DPP10: variants seen among roughly 807,000 people sequenced by gnomAD.
DPP10 encodes the protein inactive dipeptidyl peptidase 10.
A neutral mutation model predicts 120.9 loss-of-function variants in DPP10; 33 were observed. That is an observed-to-expected ratio of 0.27 (90% CI 0.21 to 0.37). The LOEUF is 0.37. DPP10 is among the 10% of genes least tolerant of loss of function. The pLI is 1.00. For missense variants in DPP10, 816 were observed against 942.8 expected, an observed-to-expected ratio of 0.87 and a Z score of 1.76; for synonymous variants, 337 against 326.1, an observed-to-expected ratio of 1.03 and a Z score of -0.36.
At chr2:115,330,079 C>A (rs1451827955) in intron 2 of DPP10, among the ~76,000 whole-genome samples, 2 of 152,056 alleles carry the variant, frequency 1.3e-5, no homozygotes, top group Non-Finnish European at 2.9e-5. Flanking sequence ...TCCTATTTCT[C>A]CACATCCTCT....
intron 1 of DPP10, among the ~76,000 whole-genome samples, chr2:114,821,348 T>C (rs1180760753): frequency 6.6e-6 from 1 of 152,208 alleles, no homozygotes; most frequent in African/African-American, 2.4e-5. Context: ...ATTGCCATGT[T>C]TGATGGACTC....
At chr2:115,090,459 G>A (rs921921280) in intron 1 of DPP10, among the ~76,000 whole-genome samples, 2 of 152,092 alleles carry the variant, frequency 1.3e-5, no homozygotes, top group South Asian at 4.1e-4. Context: ...ATTTGGGGAG[G>A]GGGGTGAGGG....
chr2:115,051,792 T>C (rs781410105), intron 1 of DPP10, among the ~76,000 whole-genome samples: 3 of 151,676 alleles, frequency 2.0e-5, no homozygotes, highest in Non-Finnish European at 4.4e-5. Flanking sequence ...TTATGTATTG[T>C]ACACCTGAAA....
At position 115,412,505 on chromosome 2, in the gene DPP10, T is replaced by C. The variant is rs140984641; in HGVS notation, c.271+68593T>C. ...ACTCGAAGGTTCATCGAAATTTAAA[T>C]TTGTTGTGAATTCTTCACAATGAGA... On this transcript the variant is annotated intron_variant, in intron 3 of 25. Coordinates refer to ENST00000410059, the MANE Select transcript of DPP10 (RefSeq NM_020868.6). 3.8e-3 allele frequency among the ~76,000 whole-genome samples: 584 copies of C among 152,316 alleles called. 6 individuals are homozygous for C. Among genetic ancestry groups the C allele is most frequent in the Middle Eastern group, 0.014 (4 of 294 alleles).
intron 3 of DPP10, among the ~76,000 whole-genome samples, chr2:115,472,877 G>A (rs541619679): frequency 2.0e-5 from 3 of 152,128 alleles, no homozygotes; most frequent in Admixed American, 6.5e-5. Context: ...GATTCAAAAC[G>A]CTTGACAAAA....
intron 1 of DPP10, among the ~76,000 whole-genome samples, chr2:115,011,460 C>T (rs1465318708): frequency 6.6e-6 from 1 of 152,118 alleles, no homozygotes; most frequent in Non-Finnish European, 1.5e-5. Flanking sequence ...AATTTTTAGG[C>T]ACATAAGCAT....
chr2:114,846,903 T>G (rs1688588679), intron 1 of DPP10, among the ~76,000 whole-genome samples: 1 of 152,130 alleles, frequency 6.6e-6, no homozygotes, highest in African/African-American at 2.4e-5. Context: ...GAGCAAAGCA[T>G]TTCCTCTAAA....
chr2:114,564,181 A>G (rs1689008478), intron 1 of DPP10, among the ~76,000 whole-genome samples: 1 of 152,090 alleles, frequency 6.6e-6, no homozygotes, highest in South Asian at 2.1e-4. Context: ...GGGAGGTGTA[A>G]TTTTATGAAT....
At chr2:115,226,877 A>C (rs1206993060) in intron 1 of DPP10, among the ~76,000 whole-genome samples, 2 of 152,168 alleles carry the variant, frequency 1.3e-5, no homozygotes, top group African/African-American at 4.8e-5. Context: ...AATTGTAATA[A>C]ATGAAGATTT....
intron 3 of DPP10, among the ~76,000 whole-genome samples, chr2:115,382,798 G>C (rs898472540): frequency 5.3e-5 from 8 of 152,094 alleles, no homozygotes; most frequent in Non-Finnish European, 1.0e-4. Flanking sequence ...TTTTAAAAAG[G>C]CTAGAGGAAG....
At position 115,100,529 on chromosome 2, in the gene DPP10, T is replaced by C. The variant is rs542935528; in HGVS notation, c.61-208710T>C. Among the ~76,000 whole-genome samples, 208 of 152,124 alleles carry C rather than the reference T, an allele frequency of 1.4e-3. 2 individuals are homozygous for C. The highest frequency in any genetic ancestry group is 4.7e-3 in the African/African-American group (196 of 41,490). ...TATAAGAATTATATATATACACACA[T>C]ATATTTGTATATACGTATGTGTGTA... On this transcript the variant is annotated intron_variant, in intron 1 of 25. Transcript: ENST00000410059.
intron 3 of DPP10, among the ~76,000 whole-genome samples, chr2:115,470,726 A>G (rs2074654843): frequency 6.6e-6 from 1 of 152,034 alleles, no homozygotes; most frequent in African/African-American, 2.4e-5. Context: ...GTTCTTTTCA[A>G]AATTTGGTTT....
At chr2:114,676,080 A>T (rs868762097) in intron 1 of DPP10, among the ~76,000 whole-genome samples, 48 of 152,298 alleles carry the variant, frequency 3.2e-4, no homozygotes, top group African/African-American at 1.1e-3. Flanking sequence ...GATTACTGGC[A>T]TGAGCCACCA....
At chr2:115,161,356 T>G (rs6719261) in intron 1 of DPP10, 152,305 of 152,308 alleles carry the variant, frequency 1, 76,151 homozygotes, top group Non-Finnish European at 1. Context: ...AGCCACCCAG[T>G]GCTTCGCACG....
chr2:115,086,625 T>G (rs2104528398), intron 1 of DPP10, among the ~76,000 whole-genome samples: 1 of 152,120 alleles, frequency 6.6e-6, no homozygotes, highest in African/African-American at 2.4e-5. Context: ...CCTGGCTAAT[T>G]TTTTGTATTT....
chr2:115,601,000 T>G (rs2083288554), intron 5 of DPP10, among the ~76,000 whole-genome samples: 1 of 152,236 alleles, frequency 6.6e-6, no homozygotes, highest in Non-Finnish European at 1.5e-5. Context: ...AATAGAAAAA[T>G]AATAAAAAGC....
intron 1 of DPP10, among the ~76,000 whole-genome samples, chr2:114,657,241 C>T (rs973213946): frequency 3.3e-5 from 5 of 152,110 alleles, no homozygotes; most frequent in African/African-American, 9.7e-5. Context: ...TTTTCACGTT[C>T]TTTCTTTTTC....
rs915224718 is a variant in DPP10 at position 115,845,580 on chromosome 2, T to C, written c.*3235T>C. 7 of 152,228 alleles carry C rather than the reference T, an allele frequency of 4.6e-5. No individual in the cohort carries two copies. The highest frequency in any genetic ancestry group is 1.7e-4 in the African/African-American group (7 of 41,448). 9.4% of individuals were successfully genotyped at this position (152,228 alleles called of 1,614,324 possible). On this transcript the variant is annotated 3_prime_UTR_variant, in exon 26 of 26. Coordinates refer to ENST00000410059, the MANE Select transcript of DPP10 (RefSeq NM_020868.6). ...TTTCCTCTTCCCCATTTCACTCTTT[T>C]AAGCTCCCTACTCCTATTCCCTATG...
intron 1 of DPP10, among the ~76,000 whole-genome samples, chr2:114,971,015 G>A (rs993800529): frequency 6.6e-6 from 1 of 152,108 alleles, no homozygotes; most frequent in Non-Finnish European, 1.5e-5. Context: ...GTAATCCAGG[G>A]AGATACATTT....
Sources: allele counts gnomAD v4.1 joint callset (sites outside exome capture counted in the v4.1 genomes callset), GRCh38; gene constraint gnomAD v4.1.1; transcripts MANE v1.5; gene names NCBI Gene and HGNC (gene_info 2026-07-23, HGNC 2026-07-21).